MYO16: variants seen among roughly 807,000 people sequenced by gnomAD.
The protein encoded by MYO16 is unconventional myosin-XVI.
In MYO16, 94 loss-of-function variants were observed where a neutral mutation model predicts 205.3. The observed-to-expected ratio is 0.46, with a 90% CI of 0.39 to 0.54. The LOEUF (loss-of-function observed/expected upper bound fraction) is 0.54, where lower values mean the gene tolerates loss of function less well. Among genes scored for constraint, MYO16 ranks in the 20% least tolerant of loss-of-function variants. The probability of loss-of-function intolerance (pLI) is 0.00; values close to 1 mark genes in which losing one functional copy is unlikely to be tolerated. For missense variants in MYO16, 2,315 were observed against 2,387.5 expected, an observed-to-expected ratio of 0.97 and a Z score of 0.63; for synonymous variants, 988 against 954.0, an observed-to-expected ratio of 1.04 and a Z score of -0.66.
At chr13:108,503,172 T>C in the MYO16 span, among the ~76,000 whole-genome samples, 2 of 152,178 alleles carry the variant, frequency 1.3e-5, no homozygotes, top group South Asian at 4.1e-4. Flanking sequence ...AATTACAATA[T>C]AGTATAATAT....
intron 12 of MYO16, among the ~76,000 whole-genome samples, chr13:108,878,439 C>G (rs1566385662): frequency 6.6e-6 from 1 of 152,146 alleles, no homozygotes; most frequent in Non-Finnish European, 1.5e-5. Context: ...TCTTCCCACT[C>G]TATCCCCTTT....
At position 108,846,909 on chromosome 13, in the gene MYO16, A is replaced by G. The variant is rs187085872; in HGVS notation, c.1248+2416A>G. ...ATTGATATGGCATGACTTTTAGTCA[A>G]TGTGTATATGTGAAATTATTGTACA... is the stretch of plus-strand genomic sequence containing the variant. On this transcript the variant is annotated intron_variant, in intron 10 of 34. Transcript: ENST00000457511. Among the ~76,000 whole-genome samples, 135 of 152,276 alleles carry G rather than the reference A, an allele frequency of 8.9e-4. No homozygotes were observed. In the East Asian group the frequency reaches 0.024, roughly 27 times the overall value.
At chr13:108,785,488 A>T in intron 4 of MYO16, 147 bp from the exon 5 acceptor site, 2 of 476,318 alleles carry the variant, frequency 4.2e-6, no homozygotes, top group Non-Finnish European at 7.3e-6. Flanking sequence ...TTAAAAAATA[A>T]TTCGAGCTTC....
chr13:108,995,633 C>T (rs935127424), intron 21 of MYO16, among the ~76,000 whole-genome samples: 2 of 152,068 alleles, frequency 1.3e-5, no homozygotes, highest in Non-Finnish European at 2.9e-5. Context: ...TGTTCCCCTT[C>T]CTGTGCCCAT....
At chr13:109,161,104 A>G (rs1303301167) in intron 32 of MYO16, among the ~76,000 whole-genome samples, 2 of 152,232 alleles carry the variant, frequency 1.3e-5, no homozygotes, top group Non-Finnish European at 2.9e-5. Context: ...AGGCTGATGC[A>G]TAATTCAGTA....
At chr13:109,078,328 A>C (rs535721753) in intron 27 of MYO16, among the ~76,000 whole-genome samples, 1 of 151,938 alleles carries the variant, frequency 6.6e-6, no homozygotes, top group Non-Finnish European at 1.5e-5. Flanking sequence ...AGTACCAGCT[A>C]TTCAGGAGGC....
Position 108,672,268 on chromosome 13 carries a change from A to T in MYO16, c.292+6119A>T, listed in dbSNP as rs1286298515. Among the ~76,000 whole-genome samples the T allele has an allele frequency of 7.2e-5, 11 of 152,312 alleles. 1 individual carries two copies. In the East Asian group the frequency reaches 2.1e-3, roughly 29 times the overall value. ...AGTGGTGATATTTTTATTTATCTTTAAGCTATTGAAATAGTCAAATGCACT... is the reference window on the plus strand; with the variant it reads ...AGTGGTGATATTTTTATTTATCTTTTAGCTATTGAAATAGTCAAATGCACT... On this transcript the variant is annotated intron_variant, in intron 2 of 34. Coordinates refer to ENST00000457511, the MANE Select transcript of MYO16 (RefSeq NM_001198950.3).
chr13:108,834,645 C>A (rs1235365402), intron 9 of MYO16, among the ~76,000 whole-genome samples: 1 of 81,612 alleles, frequency 1.2e-5, no homozygotes, highest in South Asian at 3.9e-4. Context: ...TGTACTCTCT[C>A]TCTCTCTCTC....
chr13:109,159,568 G>T (rs576655971), intron 32 of MYO16, among the ~76,000 whole-genome samples: 4 of 152,116 alleles, frequency 2.6e-5, no homozygotes, highest in African/African-American at 9.7e-5. Flanking sequence ...AAAATACAAC[G>T]CACATTGTAT....
chr13:109,017,296 ACT>A (rs1447970593), intron 22 of MYO16, among the ~76,000 whole-genome samples: 1 of 151,898 alleles, frequency 6.6e-6, no homozygotes, highest in African/African-American at 2.4e-5. Flanking sequence ...ATTGACCCCC[ACT>A]CTCTTCTGGC....
At chr13:109,034,267 C>T (rs1056005680) in intron 23 of MYO16, among the ~76,000 whole-genome samples, 1 of 152,190 alleles carries the variant, frequency 6.6e-6, no homozygotes, top group Non-Finnish European at 1.5e-5. Context: ...TATGCTTAGG[C>T]TTTATGTCCC....
intron 23 of MYO16, among the ~76,000 whole-genome samples, chr13:109,033,180 GT>G (rs1886598625): frequency 6.6e-6 from 1 of 152,108 alleles, no homozygotes; most frequent in African/African-American, 2.4e-5. Flanking sequence ...CAACATCCAT[GT>G]TTTCACCCTT....
At chr13:108,910,266 T>C in intron 16 of MYO16, 116 bp downstream of exon 16, 2 of 1,123,372 alleles carry the variant, frequency 1.8e-6, no homozygotes, top group East Asian at 2.4e-5. Context: ...AAAAGATAAC[T>C]GTTGGATACT....
intron 2 of MYO16, 69 bp downstream of exon 2, chr13:108,666,218 GT>G: frequency 7.4e-6 from 11 of 1,478,768 alleles, no homozygotes; most frequent in South Asian, 5.4e-5. Context: ...TTGGTTTGTT[GT>G]TTTTTTGATG....
At chr13:108,510,444 A>G in the MYO16 span, among the ~76,000 whole-genome samples, 1 of 48,058 alleles carries the variant, frequency 2.1e-5, no homozygotes, top group South Asian at 6.0e-4. Flanking sequence ...TTTTTTTTAT[A>G]TTTAACATTG....
At chr13:108,633,271 A>G (rs1880070800) in intron 1 of MYO16, among the ~76,000 whole-genome samples, 1 of 152,208 alleles carries the variant, frequency 6.6e-6, no homozygotes, top group African/African-American at 2.4e-5. Context: ...TCACACAATC[A>G]CAAGGTGAGG....
At chr13:108,572,462 T>C in the MYO16 span, among the ~76,000 whole-genome samples, 1 of 152,322 alleles carries the variant, frequency 6.6e-6, no homozygotes, top group African/African-American at 2.4e-5. Context: ...TGGAGGACCA[T>C]CAAGATTATC....
the MYO16 span, among the ~76,000 whole-genome samples, chr13:108,504,409 G>C: frequency 6.6e-6 from 1 of 152,044 alleles, no homozygotes; most frequent in Non-Finnish European, 1.5e-5. Context: ...TTATAGGCGT[G>C]AGCCACCACG....
intron 4 of MYO16, among the ~76,000 whole-genome samples, chr13:108,749,737 T>C (rs1885170099): frequency 6.6e-6 from 1 of 152,238 alleles, no homozygotes; most frequent in South Asian, 2.1e-4. Context: ...CAAAGTTAAA[T>C]ATAGTCTTAC....
Sources: allele counts gnomAD v4.1 joint callset (sites outside exome capture counted in the v4.1 genomes callset), GRCh38; gene constraint gnomAD v4.1.1; transcripts MANE v1.5; gene names NCBI Gene and HGNC (gene_info 2026-07-23, HGNC 2026-07-21).